XCL1: variants seen among roughly 807,000 people sequenced by gnomAD.
XCL1 encodes the protein lymphotactin.
Under a neutral mutation model 7.4 loss-of-function variants are expected in XCL1, and 6 were observed. The ratio of observed to expected loss-of-function variants is 0.82; its 90% CI spans 0.45 to 1.61. The LOEUF (loss-of-function observed/expected upper bound fraction) is 1.61, where lower values mean the gene tolerates loss of function less well. Among genes scored for constraint, XCL1 ranks in the 40% most tolerant of loss-of-function variants. XCL1 has a pLI of 0.01. For synonymous variants in XCL1, 48 were observed against 52.4 expected, an observed-to-expected ratio of 0.92 and a Z score of 0.36; for missense variants, 122 against 138.2, an observed-to-expected ratio of 0.88 and a Z score of 0.59.
At position 168,580,133 on chromosome 1, in the gene XCL1, A is replaced by T. The variant is rs529291114; in HGVS notation, c.132A>T (p.Arg44Ser). Residue 44 changes from arginine to serine, a missense_variant, in exon 2 of 3, where the codon AGA (arginine) becomes AGT (serine). By Grantham distance (110) the Arg-to-Ser change is moderately radical. Coordinates refer to ENST00000367818, the MANE Select transcript of XCL1 (RefSeq NM_002995.3). ...SLTTQRLPVSRIKTYTITEGS... is the reference protein window; with the variant it reads ...SLTTQRLPVSSIKTYTITEGS... ...CTACCCAGCGACTGCCGGTTAGCAGAATCAAGACCTACACCATCACGGAAG... is the reference window on the plus strand; with the variant it reads ...CTACCCAGCGACTGCCGGTTAGCAGTATCAAGACCTACACCATCACGGAAG... The T allele has an allele frequency of 6.2e-7, 1 of 1,613,292 alleles. No homozygotes were observed. Among genetic ancestry groups the T allele is most frequent in the East Asian group, 2.2e-5 (1 of 44,868 alleles).
chr1:168,578,078 A>G (rs1240143796), intron 1 of XCL1, among the ~76,000 whole-genome samples: 2 of 152,242 alleles, frequency 1.3e-5, no homozygotes, highest in African/African-American at 2.4e-5. Context: ...TACTTCACAG[A>G]GAGAAATATT....
intron 2 of XCL1, among the ~76,000 whole-genome samples, chr1:168,580,470 A>G (rs540517729): frequency 8.9e-4 from 135 of 152,300 alleles, no homozygotes; most frequent in African/African-American, 2.9e-3. Context: ...TTTAGAGATG[A>G]CTGGCCCATG....
In XCL1 at chr1:168,580,124, G is replaced by A. The variant is rs149760054; in HGVS notation, c.123G>A (p.Pro41=). 0.012 allele frequency: 19,755 copies of A among 1,605,798 alleles called. 166 individuals carry two copies. The highest frequency in any genetic ancestry group is 0.031 in the Middle Eastern group (183 of 5,984). Residue 41 remains proline, a synonymous_variant, in exon 2 of 3, where the codon CCG becomes CCA. Transcript: ENST00000367818. ...TGAGCCTCACTACCCAGCGACTGCC[G>A]GTTAGCAGAATCAAGACCTACACCA... ...TCVSLTTQRL[P]VSRIKTYTIT... is the part of the protein sequence containing the mutation.
chr1:168,580,227 G>A, intron 2 of XCL1, 50 bp downstream of exon 2: 2 of 1,590,278 alleles, frequency 1.3e-6, no homozygotes, highest in Non-Finnish European at 1.7e-6. Context: ...TAGAAGTATA[G>A]AAATACACTC....
chr1:168,577,608 C>T lies in XCL1; in HGVS notation c.61+910C>T, dbSNP rs143756380. Among the ~76,000 whole-genome samples, 718 of 152,190 alleles carry T rather than the reference C, an allele frequency of 4.7e-3. 13 individuals are homozygous for T. Among genetic ancestry groups the T allele is most frequent in the African/African-American group, 0.016 (653 of 41,510 alleles). On this transcript the variant is annotated intron_variant, in intron 1 of 2. Coordinates refer to ENST00000367818, the MANE Select transcript of XCL1 (RefSeq NM_002995.3). ...ATGATATTATAACTTAATAATGGGT[C>T]CCCAAGGGGTTCCATGAATAAAGGT...
At chr1:168,577,254 C>A (rs1462040430) in intron 1 of XCL1, among the ~76,000 whole-genome samples, 1 of 152,090 alleles carries the variant, frequency 6.6e-6, no homozygotes, top group African/African-American at 2.4e-5. Flanking sequence ...AACTAAGCCC[C>A]AAATGACTGG....
In XCL1 at chr1:168,581,523, T is replaced by C. The variant is rs1655173318; in HGVS notation, c.*303T>C. On this transcript the variant is annotated 3_prime_UTR_variant, in exon 3 of 3. Transcript: ENST00000367818. The stretch of plus-strand genomic sequence containing the variant: ...ATAATGGAAGAGATTCTGGCTAGTG[T>C]CTATCAGAGGTGAAAGCTATATCAA... 1 of 209,626 alleles carries C rather than the reference T, an allele frequency of 4.8e-6. No individual in the cohort carries two copies. The highest frequency in any genetic ancestry group is 1.1e-4 in the East Asian group (1 of 8,832). The allele number at this position is 209,626 out of a possible 1,614,324, so 13.0% of individuals were successfully genotyped here. A position where few individuals can be genotyped will look rare whatever the true frequency, so the allele number is the denominator to read the frequency against.
intron 1 of XCL1, 106 bp downstream of exon 1, chr1:168,576,804 G>A: frequency 2.0e-6 from 3 of 1,520,620 alleles, no homozygotes; most frequent in Non-Finnish European, 2.7e-6. Flanking sequence ...GCTTTCCCCA[G>A]GGGAGCCTTA....
At position 168,576,711 on chromosome 1, in the gene XCL1, G is replaced by C. The variant is rs34933908; in HGVS notation, c.61+13G>C. 1 of 1,592,528 alleles carries C rather than the reference G, an allele frequency of 6.3e-7. No homozygotes were observed. On this transcript the variant is annotated intron_variant, in intron 1 of 2. Transcript: ENST00000367818. ...TACATTGTGGAAGGTAAGTGGAGAA[G>C]CTGTCTGTGAGATAAAGAACAGGGA...
chr1:168,578,728 G>A (rs935532406), intron 1 of XCL1: 3 of 373,674 alleles, frequency 8.0e-6, no homozygotes, highest in East Asian at 1.9e-4. Context: ...TTTGGACTCG[G>A]GACATTGCAG....
At chr1:168,579,674 A>C (rs185409693) in intron 1 of XCL1, among the ~76,000 whole-genome samples, 17 of 152,254 alleles carry the variant, frequency 1.1e-4, no homozygotes, top group Non-Finnish European at 2.2e-4. Flanking sequence ...TGCTCTATGA[A>C]AACAGGAGTA....
At chr1:168,577,542 G>T (rs977942487) in intron 1 of XCL1, among the ~76,000 whole-genome samples, 1 of 152,040 alleles carries the variant, frequency 6.6e-6, no homozygotes, top group East Asian at 1.9e-4. Flanking sequence ...TGAATCTGTC[G>T]ACTTATTTGT....
rs1480294209 is a variant in XCL1, at chr1:168,581,155, A to G, written c.280A>G (p.Met94Val). ...CAGGAAATCCAACACCAGAAATAACATGATCCAGACCAAGCCAACAGGAAC... is the reference window on the plus strand; with the variant it reads ...CAGGAAATCCAACACCAGAAATAACGTGATCCAGACCAAGCCAACAGGAAC... ...MDRKSNTRNNMIQTKPTGTQQ... is the reference protein window; with the variant it reads ...MDRKSNTRNNVIQTKPTGTQQ... Residue 94 changes from methionine to valine, a missense_variant, in exon 3 of 3, where the codon ATG (methionine) becomes GTG (valine). Physicochemically the swap from Met to Val is conservative, Grantham distance 21 (BLOSUM62 1). Coordinates refer to ENST00000367818, the MANE Select transcript of XCL1 (RefSeq NM_002995.3). 6.2e-7 allele frequency: 1 copy of G among 1,613,854 alleles called. No homozygotes were observed. The highest frequency in any genetic ancestry group is 8.5e-7 in the Non-Finnish European group (1 of 1,179,804).
At chr1:168,579,614 T>C (rs1655107102) in intron 1 of XCL1, among the ~76,000 whole-genome samples, 1 of 152,094 alleles carries the variant, frequency 6.6e-6, no homozygotes. Flanking sequence ...CTATTTGAAA[T>C]GATCTTTTCT....
chr1:168,579,988 T>C (rs1233806435), intron 1 of XCL1, 75 bp from the exon 2 acceptor site: 22 of 1,439,284 alleles, frequency 1.5e-5, no homozygotes, highest in Non-Finnish European at 2.1e-5. Context: ...TCAGAGTAAT[T>C]TAACAGATGA....
Position 168,580,916 on chromosome 1 carries a change from G to C in XCL1, c.177-136G>C, listed in dbSNP as rs1050657853. 24 of 1,269,758 alleles carry C rather than the reference G, an allele frequency of 1.9e-5. No homozygotes were observed. In the African/African-American group the frequency reaches 3.3e-4, roughly 17 times the overall value. 78.7% of individuals were successfully genotyped at this position (1,269,758 alleles called of 1,614,324 possible). A position where few individuals can be genotyped will look rare whatever the true frequency, so the allele number is the denominator to read the frequency against. The stretch of plus-strand genomic sequence containing the variant: ...TGGCAGAAGAAGGGTACTCATTTAT[G>C]ATCTCATGGCTCTGAAAGACTATTT... On this transcript the variant is annotated intron_variant, in intron 2 of 2. Coordinates refer to ENST00000367818, the MANE Select transcript of XCL1 (RefSeq NM_002995.3).
At chr1:168,580,768 T>C (rs1239356468) in intron 2 of XCL1, among the ~76,000 whole-genome samples, 9 of 152,208 alleles carry the variant, frequency 5.9e-5, no homozygotes, top group Admixed American at 3.9e-4. Flanking sequence ...ATGGAACTAG[T>C]TGGCCTCAAA....
At chr1:168,578,820 T>C in intron 1 of XCL1, 1 of 444,464 alleles carries the variant, frequency 2.2e-6, no homozygotes, top group Non-Finnish European at 4.4e-6. Flanking sequence ...CTGGTTAACT[T>C]GTGTGAAGGC....
intron 1 of XCL1, among the ~76,000 whole-genome samples, chr1:168,576,942 C>T (rs1339909855): frequency 3.9e-5 from 6 of 152,160 alleles, no homozygotes; most frequent in Admixed American, 2.6e-4. Flanking sequence ...CAGGTAAATT[C>T]CTTAACCACT....
Sources: gnomAD v4.1 joint callset for allele counts (sites outside exome capture counted in the v4.1 genomes callset) on GRCh38, gnomAD v4.1.1 for gene constraint, MANE v1.5 for transcripts, NCBI Gene and HGNC (gene_info 2026-07-23, HGNC 2026-07-21) for gene names.